Variants in MEN1 observed in about 807,000 individuals in gnomAD.
The protein encoded by MEN1 is menin 1.
In MEN1, 6 loss-of-function variants were observed where a neutral mutation model predicts 58.0. The ratio of observed to expected loss-of-function variants is 0.10; its 90% CI spans 0.06 to 0.20. The LOEUF (loss-of-function observed/expected upper bound fraction) is 0.20, where lower values mean the gene tolerates loss of function less well. MEN1 is among the 10% of genes least tolerant of loss of function. The pLI, the probability that MEN1 is intolerant of heterozygous loss-of-function variation, is 1.00. For missense variants in MEN1, 492 were observed against 818.5 expected (o/e 0.60, Z 4.87); for synonymous variants, 346 against 350.7 (o/e 0.99, Z 0.15).
rs1390614771 is a variant in MEN1 at position 64,804,868 on chromosome 11, G to T, written c.1351-52C>A. Reference sequence around the variant, plus strand: ...GAGCAAGGTTGCCGGCCAGTGGCTGGAACTCCAGGACCCTGCTCTGGCCAT... The same window carrying T: ...GAGCAAGGTTGCCGGCCAGTGGCTGTAACTCCAGGACCCTGCTCTGGCCAT... On this transcript the variant is annotated intron_variant, in intron 9 of 9. Coordinates refer to ENST00000450708, the MANE Select transcript of MEN1 (RefSeq NM_001370259.2). This position sits in a 1 kb window ranked among gnomAD's most constrained non-coding sequence, Gnocchi z 4.2. 5.6e-6 allele frequency: 9 copies of T among 1,595,074 alleles called. No homozygotes were observed. Among genetic ancestry groups the T allele is most frequent in the Non-Finnish European group, 7.6e-6 (9 of 1,177,824 alleles).
chr11:64,805,860 G>C, intron 7 of MEN1, 90 bp from the exon 8 acceptor site: 1 of 1,350,732 alleles, frequency 7.4e-7, no homozygotes, highest in Non-Finnish European at 1.1e-6. Context: ...GAGCCCCCAG[G>C]GGCTGGGGGA....
chr11:64,804,761 TCCTCGG>T lies in MEN1; in HGVS notation c.1400_1405del (p.Ala467_Glu468del). 1 of 1,596,934 alleles carries T rather than the reference TCCTCGG, an allele frequency of 6.3e-7. No homozygotes were observed. Among genetic ancestry groups the T allele is most frequent in the Non-Finnish European group, 8.5e-7 (1 of 1,178,780 alleles). Reference sequence around the variant, plus strand: ...TTCCCGGGCTTCCTCGCCCCACGGCTCCTCGGCCTCGGCCGCCTCGGCCTCTCGGCT... The same window carrying T: ...TTCCCGGGCTTCCTCGCCCCACGGCTCCTCGGCCGCCTCGGCCTCTCGGCT... On this transcript the variant is annotated inframe_deletion, in exon 10 of 10. Coordinates refer to ENST00000450708, the MANE Select transcript of MEN1 (RefSeq NM_001370259.2). The surrounding 1 kb of genome is among the most constrained non-coding windows in gnomAD (Gnocchi z 4.2).
At position 64,804,030 on chromosome 11, in the gene MEN1, A is replaced by C; in HGVS notation, c.*304T>G. 2.1e-6 allele frequency: 1 copy of C among 473,218 alleles called. No homozygotes were observed. The highest frequency in any genetic ancestry group is 3.9e-6 in the Non-Finnish European group (1 of 257,442). 29.3% of individuals were successfully genotyped at this position (473,218 alleles called of 1,614,324 possible). A position where few individuals can be genotyped will look rare whatever the true frequency, so the allele number is the denominator to read the frequency against. On this transcript the variant is annotated 3_prime_UTR_variant, in exon 10 of 10. Coordinates refer to ENST00000450708, the MANE Select transcript of MEN1 (RefSeq NM_001370259.2). This position sits in a 1 kb window ranked among gnomAD's most constrained non-coding sequence, Gnocchi z 4.2. ...TGGCTCTAGGTGAGCGGTTCCGAGG[A>C]GGAGCTTGGGTTTCTAGGGGCTGGG...
chr11:64,806,077 C>T (rs1941701461), intron 7 of MEN1, 155 bp downstream of exon 7: 1 of 944,076 alleles, frequency 1.1e-6, no homozygotes, highest in African/African-American at 1.6e-5. Flanking sequence ...TAATCAGGGT[C>T]CCTACCTCCT....
chr11:64,807,309 C>G lies in MEN1; in HGVS notation c.784-90G>C, dbSNP rs900318968. The G allele has an allele frequency of 8.3e-6, 12 of 1,449,138 alleles. No homozygotes were observed. Among genetic ancestry groups the G allele is most frequent in the Non-Finnish European group, 1.1e-5 (12 of 1,057,016 alleles). 89.8% of individuals were successfully genotyped at this position (1,449,138 alleles called of 1,614,324 possible). On this transcript the variant is annotated intron_variant, in intron 4 of 9. Coordinates refer to ENST00000450708, the MANE Select transcript of MEN1 (RefSeq NM_001370259.2). This position sits in a 1 kb window ranked among gnomAD's most constrained non-coding sequence, Gnocchi z 4.9. ...GGGCAGAGGTGGGGGTCAGAACCAA[C>G]AGGGACCACCCACCATGTGGAAGGG...
At chr11:64,811,125 C>T (rs1942082129), upstream of MEN1, 1 of 151,664 alleles carries the variant, frequency 6.6e-6, no homozygotes, top group African/African-American at 2.4e-5. Context: ...GAGACACGGT[C>T]TTTCTCTTTC....
rs1941593383 is a variant in MEN1, at chr11:64,804,960, C to A, written c.1350+74G>T. On this transcript the variant is annotated intron_variant, in intron 9 of 9. Transcript: ENST00000450708. The surrounding 1 kb of genome is among the most constrained non-coding windows in gnomAD (Gnocchi z 4.2). Reference sequence around the variant, plus strand: ...GGGATGGGCAGATGCTGCCCCTGGGCCAGAAAAGTCTGACAAGCCCGTGGC... The same window carrying A: ...GGGATGGGCAGATGCTGCCCCTGGGACAGAAAAGTCTGACAAGCCCGTGGC... 1 of 1,602,448 alleles carries A rather than the reference C, an allele frequency of 6.2e-7. No individual in the cohort carries two copies. Among genetic ancestry groups the A allele is most frequent in the Non-Finnish European group, 8.5e-7 (1 of 1,179,102 alleles).
At chr11:64,808,402 T>G (rs1049333893) in intron 2 of MEN1, among the ~76,000 whole-genome samples, 1 of 152,196 alleles carries the variant, frequency 6.6e-6, no homozygotes, top group African/African-American at 2.4e-5. Flanking sequence ...GGGATTCCAT[T>G]TTACTGCACT....
chr11:64,803,992 A>G lies in MEN1; in HGVS notation c.*342T>C, dbSNP rs747634476. On this transcript the variant is annotated 3_prime_UTR_variant, in exon 10 of 10. Coordinates refer to ENST00000450708, the MANE Select transcript of MEN1 (RefSeq NM_001370259.2). The stretch of plus-strand genomic sequence containing the variant: ...CTCCTACAAGCTGGGAGGAGCCCTG[A>G]GTAACGTTGGTCTGGCTCTAGGTGA... 2 of 430,142 alleles carry G rather than the reference A, an allele frequency of 4.6e-6. No homozygotes were observed. The highest frequency in any genetic ancestry group is 8.6e-6 in the Non-Finnish European group (2 of 232,430). The allele number at this position is 430,142 out of a possible 1,614,324, so 26.6% of individuals were successfully genotyped here.
At chr11:64,806,031 A>C in intron 7 of MEN1, 1 of 686,320 alleles carries the variant, frequency 1.5e-6, no homozygotes, top group East Asian at 2.7e-5. Flanking sequence ...AAAAAAAATT[A>C]GGAGGAGAGG....
Position 64,804,146 on chromosome 11 carries a change from G to A in MEN1, c.*188C>T, listed in dbSNP as rs1941468134. 1 of 700,546 alleles carries A rather than the reference G, an allele frequency of 1.4e-6. No homozygotes were observed. Among genetic ancestry groups the A allele is most frequent in the African/African-American group, 1.8e-5 (1 of 56,252 alleles). The allele number at this position is 700,546 out of a possible 1,614,324, so 43.4% of individuals were successfully genotyped here. Reference sequence around the variant, plus strand: ...AGAGACCTATATTCTAACGACTGGGGCAGAGCCCTGGGTTCTGAGCTGGAG... The same window carrying A: ...AGAGACCTATATTCTAACGACTGGGACAGAGCCCTGGGTTCTGAGCTGGAG... On this transcript the variant is annotated 3_prime_UTR_variant, in exon 10 of 10. Transcript: ENST00000450708. This position sits in a 1 kb window ranked among gnomAD's most constrained non-coding sequence, Gnocchi z 4.2.
Position 64,804,277 on chromosome 11 carries a change from T to C in MEN1, c.*57A>G. On this transcript the variant is annotated 3_prime_UTR_variant, in exon 10 of 10. Coordinates refer to ENST00000450708, the MANE Select transcript of MEN1 (RefSeq NM_001370259.2). This position sits in a 1 kb window ranked among gnomAD's most constrained non-coding sequence, Gnocchi z 4.2. ...CTGGGGGCAGAACATGGGCTCAGAGTTGGGGGACTAAGGGCGGAGCCTGGG... is the reference window on the plus strand; with the variant it reads ...CTGGGGGCAGAACATGGGCTCAGAGCTGGGGGACTAAGGGCGGAGCCTGGG... 5.0e-6 allele frequency: 8 copies of C among 1,612,702 alleles called. No homozygotes were observed. Among genetic ancestry groups the C allele is most frequent in the Non-Finnish European group, 6.8e-6 (8 of 1,179,348 alleles).
rs1199727144 is a variant in MEN1 at position 64,810,147 on chromosome 11, G to T, written c.-23-15C>A. On this transcript the variant is annotated splice_polypyrimidine_tract_variant and intron_variant, in intron 1 of 9. Transcript: ENST00000450708. ...TGGGCGGCGGCCTGCAAGGCAAGCC[G>T]GGGGAGGGAGGGTCGGGCAGGTTCG... 1 of 1,348,588 alleles carries T rather than the reference G, an allele frequency of 7.4e-7. No individual in the cohort carries two copies. Among genetic ancestry groups the T allele is most frequent in the Non-Finnish European group, 1.0e-6 (1 of 988,626 alleles). The allele number at this position is 1,348,588 out of a possible 1,614,324, so 83.5% of individuals were successfully genotyped here.
rs1280301613 is a variant in MEN1, at chr11:64,804,919, C to A, written c.1351-103G>T. 6 of 1,597,460 alleles carry A rather than the reference C, an allele frequency of 3.8e-6. No individual in the cohort carries two copies. The East Asian group carries it at 1.1e-4, about 30-fold the overall frequency. Reference sequence around the variant, plus strand: ...CCCATCCCACCCAGGGGGTCTCAGTCCCATCGGCACCCAAGGGGATGGGCA... The same window carrying A: ...CCCATCCCACCCAGGGGGTCTCAGTACCATCGGCACCCAAGGGGATGGGCA... On this transcript the variant is annotated intron_variant, in intron 9 of 9. Transcript: ENST00000450708. This position sits in a 1 kb window ranked among gnomAD's most constrained non-coding sequence, Gnocchi z 4.2.
chr11:64,806,647 A>T (rs1565644853), intron 6 of MEN1, among the ~76,000 whole-genome samples: 1 of 152,072 alleles, frequency 6.6e-6, no homozygotes, highest in Non-Finnish European at 1.5e-5. Flanking sequence ...ACACATCACC[A>T]AAGACTTTCA....
In MEN1 at chr11:64,808,271, T is replaced by C. The variant is rs139500664; in HGVS notation, c.446-172A>G. 1.2e-3 allele frequency among the ~76,000 whole-genome samples: 180 copies of C among 152,248 alleles called. 2 individuals carry two copies. Among genetic ancestry groups the C allele is most frequent in the African/African-American group, 4.2e-3 (174 of 41,538 alleles). On this transcript the variant is annotated intron_variant, in intron 2 of 9. Transcript: ENST00000450708. ...CCTTCCCTCCCACGTGTTCAAAGAC[T>C]CTCTCCCTGTTTACACCCTCTATGT... is the stretch of plus-strand genomic sequence containing the variant.
chr11:64,809,185 C>T (rs976385367), intron 2 of MEN1, among the ~76,000 whole-genome samples: 5 of 148,000 alleles, frequency 3.4e-5, no homozygotes, highest in African/African-American at 1.0e-4. Context: ...GATCTCTGAG[C>T]CCAGGGAGAC....
rs2136195966 is a variant in MEN1 at position 64,810,069 on chromosome 11, C to A, written c.41G>T (p.Arg14Leu). 1 of 1,607,488 alleles carries A rather than the reference C, an allele frequency of 6.2e-7. No individual in the cohort carries two copies. The change falls in exon 2 of 10, where the codon CGC (arginine) becomes CTC (leucine). Residue 14 changes from arginine to leucine, a missense_variant. This residue lies in a region of MEN1 where 335 missense variants were observed against 550.3 expected (regional missense o/e 0.61). Transcript: ENST00000450708. ...CAGGCGCACCACGTCGTCGATGGAG[C>A]GCAGCGGGAACAGCGTCTTCTGGGC... is the stretch of plus-strand genomic sequence containing the variant. ...KAAQKTLFPL[R>L]SIDDVVRLFA...
rs2136196896 is a variant in MEN1, at chr11:64,810,096, G to C, written c.14C>G (p.Ala5Gly). 1 of 1,481,310 alleles carries C rather than the reference G, an allele frequency of 6.8e-7. No homozygotes were observed. The allele number at this position is 1,481,310 out of a possible 1,614,324, so 91.8% of individuals were successfully genotyped here. A position where few individuals can be genotyped will look rare whatever the true frequency, so the allele number is the denominator to read the frequency against. ...CAGCGGGAACAGCGTCTTCTGGGCG[G>C]CCTTCAGCCCCATGGCGGCGGGCGG... MGLK[A>G]AQKTLFPLRS... Residue 5 changes from alanine (A) to glycine (G), a missense_variant, in exon 2 of 10, where the codon GCC becomes GGC. Ala to Gly is a moderately conservative substitution (Grantham distance 60, BLOSUM62 0). This residue lies in a region of MEN1 where 335 missense variants were observed against 550.3 expected (regional missense o/e 0.61). Coordinates refer to ENST00000450708, the MANE Select transcript of MEN1 (RefSeq NM_001370259.2).
Sources: gnomAD v4.1 joint callset for allele counts (sites outside exome capture counted in the v4.1 genomes callset) on GRCh38, gnomAD v4.1.1 for gene constraint, gnomAD v4.1.1 regional missense constraint, Gnocchi (gnomAD v3.1) non-coding constraint, MANE v1.5 for transcripts, NCBI Gene and HGNC (gene_info 2026-07-23, HGNC 2026-07-21) for gene names.